The following TTLL9 variants were observed in gnomAD, a reference collection of about 807,000 sequenced individuals.
TTLL9 encodes the protein tubulin tyrosine ligase like 9.
TTLL9 carries 47 observed loss-of-function variants against 65.6 expected under a neutral mutation model. The observed-to-expected ratio is 0.72, with a 90% confidence interval of 0.57 to 0.91. TTLL9 has a LOEUF of 0.91. Ranked by LOEUF, TTLL9 falls within the 40% of genes least tolerant of loss-of-function variation. The probability of loss-of-function intolerance (pLI) is 0.00; values close to 1 mark genes in which losing one functional copy is unlikely to be tolerated. For missense variants in TTLL9, 537 were observed against 568.8 expected, an observed-to-expected ratio of 0.94 and a Z score of 0.57; for synonymous variants, 179 against 204.8, an observed-to-expected ratio of 0.87 and a Z score of 1.07.
intron 10 of TTLL9, 41 bp from the exon 11 acceptor site, chr20:31,933,759 C>A: frequency 6.2e-7 from 1 of 1,605,200 alleles, no homozygotes; most frequent in Non-Finnish European, 8.5e-7. Flanking sequence ...AGAGCTCACC[C>A]TTTTTGTTCA....
At chr20:31,894,987 C>T (rs929045560) in intron 3 of TTLL9, among the ~76,000 whole-genome samples, 1 of 152,130 alleles carries the variant, frequency 6.6e-6, no homozygotes, top group Admixed American at 6.6e-5. Context: ...GACAGTGTCT[C>T]ACTATGTTGC....
intron 4 of TTLL9, among the ~76,000 whole-genome samples, chr20:31,900,706 G>A (rs552162830): frequency 1.1e-3 from 165 of 152,294 alleles, no homozygotes; most frequent in Non-Finnish European, 2.0e-3. Context: ...TCCTTCCCTG[G>A]ATCCAGAGAA....
At chr20:31,921,377 A>T in intron 7 of TTLL9, among the ~76,000 whole-genome samples, 1 of 152,210 alleles carries the variant, frequency 6.6e-6, no homozygotes, top group East Asian at 1.9e-4. Context: ...TGTTGGTGGG[A>T]CTGTAAACTA....
chr20:31,906,893 A>G (rs577719260), intron 4 of TTLL9, among the ~76,000 whole-genome samples: 14 of 152,274 alleles, frequency 9.2e-5, no homozygotes, highest in Non-Finnish European at 2.1e-4. Context: ...CAAACAATCC[A>G]TCCACCTTGG....
At chr20:31,910,552 T>C (rs1273076569) in intron 6 of TTLL9, among the ~76,000 whole-genome samples, 1 of 152,194 alleles carries the variant, frequency 6.6e-6, no homozygotes, top group Non-Finnish European at 1.5e-5. Flanking sequence ...ACCCCCTTGT[T>C]CAAATACTAC....
chr20:31,895,810 CATGTATTT>C (rs1186493373), intron 3 of TTLL9, among the ~76,000 whole-genome samples: 1 of 138,510 alleles, frequency 7.2e-6, no homozygotes, highest in African/African-American at 2.9e-5. Flanking sequence ...TAAGGTTATT[CATGTATTT>C]ATTTATTTAT....
At chr20:31,871,221 G>A in intron 2 of TTLL9, 26 bp downstream of exon 2, 1 of 1,611,262 alleles carries the variant, frequency 6.2e-7, no homozygotes, top group African/African-American at 1.3e-5. Context: ...GGGGTTTGAG[G>A]GAGGGTTCCA....
At chr20:31,925,072 C>T in intron 9 of TTLL9, 23 bp downstream of exon 9, 1 of 1,613,782 alleles carries the variant, frequency 6.2e-7, no homozygotes, top group Non-Finnish European at 8.5e-7. Context: ...GGTGGGGGCC[C>T]TCCTCCAGCA....
intron 6 of TTLL9, 34 bp downstream of exon 6, chr20:31,909,956 G>GGT: frequency 4.6e-6 from 3 of 658,914 alleles, no homozygotes; most frequent in Non-Finnish European, 8.3e-6. Context: ...GGGTGGGAGG[G>GGT]AATGAGTCCC....
chr20:31,902,604 G>A (rs2123478782), intron 4 of TTLL9, among the ~76,000 whole-genome samples: 1 of 152,134 alleles, frequency 6.6e-6, no homozygotes, highest in Non-Finnish European at 1.5e-5. Context: ...AGGTGTTTAG[G>A]TTATTTCCAC....
chr20:31,933,970 C>T, intron 11 of TTLL9, 112 bp downstream of exon 11: 1 of 1,172,322 alleles, frequency 8.5e-7, no homozygotes, highest in Non-Finnish European at 1.2e-6. Flanking sequence ...CCTGTGTTCA[C>T]CAGTGAGGCA....
chr20:31,879,180 G>T (rs2063074902), intron 2 of TTLL9, among the ~76,000 whole-genome samples: 1 of 152,114 alleles, frequency 6.6e-6, no homozygotes, highest in Non-Finnish European at 1.5e-5. Flanking sequence ...AATTACTCAG[G>T]CATGGTGGCA....
At chr20:31,934,573 G>A (rs1437448889) in intron 11 of TTLL9, 119 bp from the exon 12 acceptor site, 1 of 940,566 alleles carries the variant, frequency 1.1e-6, no homozygotes, top group East Asian at 2.6e-5. Flanking sequence ...CAGGGCTCAG[G>A]GCTGGGCCCC....
chr20:31,873,778 G>A (rs1303509586), intron 2 of TTLL9, among the ~76,000 whole-genome samples: 1 of 142,694 alleles, frequency 7.0e-6, no homozygotes, highest in South Asian at 2.2e-4. Flanking sequence ...GAGAAAGAAA[G>A]AAAGAAAAAG....
chr20:31,880,550 T>C (rs2063102980), intron 2 of TTLL9, among the ~76,000 whole-genome samples: 1 of 151,736 alleles, frequency 6.6e-6, no homozygotes, highest in Non-Finnish European at 1.5e-5. Flanking sequence ...TGGAGTGCAG[T>C]GGCGCTATCT....
intron 8 of TTLL9, among the ~76,000 whole-genome samples, chr20:31,924,011 C>T (rs2063854497): frequency 6.6e-6 from 1 of 152,180 alleles, no homozygotes; most frequent in Non-Finnish European, 1.5e-5. Flanking sequence ...TCTGCCCTCC[C>T]ATCCCCCCAC....
chr20:31,935,018 T>A, intron 12 of TTLL9, 130 bp downstream of exon 12: 1 of 873,202 alleles, frequency 1.1e-6, no homozygotes, highest in Non-Finnish European at 1.8e-6. Flanking sequence ...TTACTGTGCC[T>A]CAATTTGCCC....
At chr20:31,900,187 G>A (rs976386440) in intron 4 of TTLL9, among the ~76,000 whole-genome samples, 8 of 152,252 alleles carry the variant, frequency 5.3e-5, no homozygotes, top group Admixed American at 5.2e-4. Flanking sequence ...GCTGCGTGGT[G>A]CTCAGGAAAT....
At chr20:31,913,513 A>G (rs141235157) in intron 6 of TTLL9, among the ~76,000 whole-genome samples, 3,955 of 152,264 alleles carry the variant, frequency 0.026, 88 homozygotes, top group Non-Finnish European at 0.034. Context: ...CCCACAGGCA[A>G]AAGTTTTCGC....
Sources: gnomAD v4.1 joint callset for allele counts (sites outside exome capture counted in the v4.1 genomes callset) on GRCh38, gnomAD v4.1.1 for gene constraint, MANE v1.5 for transcripts, NCBI Gene and HGNC (gene_info 2026-07-23, HGNC 2026-07-21) for gene names.